The following ZEB2 variants were observed in gnomAD, a reference collection of about 807,000 sequenced individuals.
ZEB2 encodes zinc finger E-box binding homeobox 2.
A neutral mutation model predicts 99.9 loss-of-function variants in ZEB2; 6 were observed. The ratio of observed to expected loss-of-function variants is 0.06; its 90% CI spans 0.03 to 0.12. The LOEUF (loss-of-function observed/expected upper bound fraction) is 0.12, where lower values mean the gene tolerates loss of function less well. ZEB2 is among the 10% of genes least tolerant of loss of function. The pLI, the probability that ZEB2 is intolerant of heterozygous loss-of-function variation, is 1.00. For missense variants in ZEB2, 969 were observed against 1,502.8 expected, an observed-to-expected ratio of 0.64 and a Z score of 5.87; for synonymous variants, 517 against 542.5, an observed-to-expected ratio of 0.95 and a Z score of 0.65.
At chr2:144,484,991 A>T (rs1704573877) in intron 2 of ZEB2, among the ~76,000 whole-genome samples, 1 of 152,234 alleles carries the variant, frequency 6.6e-6, no homozygotes, top group Admixed American at 6.5e-5. Flanking sequence ...CTTGGCATAC[A>T]TGGCAATTAT....
chr2:144,392,783 C>T (rs1175929160), intron 9 of ZEB2, among the ~76,000 whole-genome samples: 1 of 152,114 alleles, frequency 6.6e-6, no homozygotes, highest in African/African-American at 2.4e-5. Context: ...GACCAAGATT[C>T]AGAACATCCA....
In ZEB2 at chr2:144,385,873, A is replaced by G. The variant is rs1177931396; in HGVS notation, c.*3578T>C. The G allele has an allele frequency of 2.6e-5, 4 of 152,200 alleles. No homozygotes were observed. The highest frequency in any genetic ancestry group is 2.0e-4 in the Admixed American group (3 of 15,272). The allele number at this position is 152,200 out of a possible 1,614,324, so 9.4% of individuals were successfully genotyped here. ...TGAAAAGTATCTAATACATTTATTC[A>G]TATTTATTCAAATATAGTCCCTTCT... On this transcript the variant is annotated 3_prime_UTR_variant, in exon 10 of 10. Coordinates refer to ENST00000627532, the MANE Select transcript of ZEB2 (RefSeq NM_014795.4).
At chr2:144,492,991 T>C (rs187808945) in intron 2 of ZEB2, among the ~76,000 whole-genome samples, 1 of 152,310 alleles carries the variant, frequency 6.6e-6, no homozygotes, top group Admixed American at 6.5e-5. Flanking sequence ...ATCAGATATT[T>C]TAAGTGCTGT....
chr2:144,470,315 T>C (rs1396131163), intron 2 of ZEB2: 1 of 152,176 alleles, frequency 6.6e-6, no homozygotes, highest in African/African-American at 2.4e-5. Context: ...ATTGCCAGGA[T>C]GAAGTTTGCC....
intron 2 of ZEB2, among the ~76,000 whole-genome samples, chr2:144,476,202 C>A (rs529968408): frequency 1.3e-5 from 2 of 151,684 alleles, no homozygotes; most frequent in Non-Finnish European, 2.9e-5. Flanking sequence ...TTCTCATTTG[C>A]GCCATTTGAT....
intron 2 of ZEB2, chr2:144,444,991 C>T (rs564889328): frequency 6.6e-6 from 1 of 152,280 alleles, no homozygotes; most frequent in Non-Finnish European, 1.5e-5. Flanking sequence ...AATGGCACAA[C>T]CCCAAAATCT....
chr2:144,510,436 C>T (rs1345766406), intron 2 of ZEB2, among the ~76,000 whole-genome samples: 3 of 151,824 alleles, frequency 2.0e-5, no homozygotes, highest in African/African-American at 2.4e-5. Context: ...CACTTAAGGG[C>T]GGGAAGTCCA....
chr2:144,422,443 T>C (rs942961788), intron 4 of ZEB2, among the ~76,000 whole-genome samples: 3 of 152,178 alleles, frequency 2.0e-5, no homozygotes, highest in African/African-American at 7.2e-5. Flanking sequence ...GTTCGAATTC[T>C]ACCTCCTTCA....
At chr2:144,427,846 G>C (rs1311345847) in intron 3 of ZEB2, 1 of 152,114 alleles carries the variant, frequency 6.6e-6, no homozygotes, top group African/African-American at 2.4e-5. Context: ...TAAGAGCAAA[G>C]AACAGCCTGT....
chr2:144,466,096 C>A (rs1391169157), intron 2 of ZEB2, among the ~76,000 whole-genome samples: 1 of 152,160 alleles, frequency 6.6e-6, no homozygotes, highest in African/African-American at 2.4e-5. Context: ...CAACCAAATG[C>A]CTTTTGTCAT....
intron 4 of ZEB2, among the ~76,000 whole-genome samples, chr2:144,407,100 A>T (rs967352486): frequency 6.6e-6 from 1 of 152,214 alleles, no homozygotes; most frequent in Non-Finnish European, 1.5e-5. Context: ...TTGAAACTAT[A>T]AACAAATATA....
intron 2 of ZEB2, among the ~76,000 whole-genome samples, chr2:144,501,026 C>T (rs1704860382): frequency 1.4e-5 from 2 of 140,002 alleles, no homozygotes; most frequent in African/African-American, 5.4e-5. Flanking sequence ...ATTCAAAGAT[C>T]GTATTTATAT....
At chr2:144,452,976 ATTCATTTT>A (rs1330759010) in intron 2 of ZEB2, among the ~76,000 whole-genome samples, 1 of 147,012 alleles carries the variant, frequency 6.8e-6, no homozygotes, top group Non-Finnish European at 1.5e-5. Flanking sequence ...TGATAAGGGA[ATTCATTTT>A]TTTTTACAGG....
intron 2 of ZEB2, among the ~76,000 whole-genome samples, chr2:144,499,950 A>T (rs1180401127): frequency 6.6e-6 from 1 of 152,228 alleles, no homozygotes; most frequent in Non-Finnish European, 1.5e-5. Flanking sequence ...GCATTTGTTC[A>T]GCATTTGGTA....
At chr2:144,507,173 C>T (rs923853181) in intron 2 of ZEB2, among the ~76,000 whole-genome samples, 2 of 152,168 alleles carry the variant, frequency 1.3e-5, no homozygotes, top group Non-Finnish European at 2.9e-5. Flanking sequence ...AAAGATTCAA[C>T]TGTAGAATTA....
chr2:144,461,850 A>G (rs190728394), intron 2 of ZEB2: 1 of 152,260 alleles, frequency 6.6e-6, no homozygotes, highest in African/African-American at 2.4e-5. Flanking sequence ...AGCGCAGATC[A>G]CCGTTTTATT....
At chr2:144,510,692 C>G (rs1705020552) in intron 2 of ZEB2, among the ~76,000 whole-genome samples, 3 of 85,672 alleles carry the variant, frequency 3.5e-5, no homozygotes, top group African/African-American at 6.5e-5. Context: ...CTGTGCCTCT[C>G]TCTCTCTCTC....
intron 2 of ZEB2, among the ~76,000 whole-genome samples, chr2:144,459,249 A>C (rs979295601): frequency 2.6e-5 from 4 of 152,198 alleles, no homozygotes; most frequent in African/African-American, 7.2e-5. Flanking sequence ...ATAAATGTGT[A>C]TATCTTTTGA....
chr2:144,513,858 T>A (rs1705087156), intron 2 of ZEB2: 1 of 1,532,434 alleles, frequency 6.5e-7, no homozygotes, highest in Non-Finnish European at 8.7e-7. Flanking sequence ...GTTTTCCCCC[T>A]CCTCTCCAGC....
Sources: allele counts gnomAD v4.1 joint callset (sites outside exome capture counted in the v4.1 genomes callset), GRCh38; gene constraint gnomAD v4.1.1; transcripts MANE v1.5; gene names NCBI Gene and HGNC (gene_info 2026-07-23, HGNC 2026-07-21).